Variants in LANCL3 observed in about 807,000 individuals in gnomAD.
LANCL3 encodes the protein lanC-like protein 3.
In LANCL3, 19 loss-of-function variants were observed where a neutral mutation model predicts 26.5. That is an observed-to-expected ratio of 0.72 (90% CI 0.50 to 1.05). The LOEUF is 1.05. LANCL3 is among the 50% of genes least tolerant of loss of function. LANCL3 has a pLI of 0.00. For missense variants in LANCL3, 318 were observed against 362.7 expected, an observed-to-expected ratio of 0.88 and a Z score of 1.00; for synonymous variants, 160 against 166.6, an observed-to-expected ratio of 0.96 and a Z score of 0.30.
intron 1 of LANCL3, among the ~76,000 whole-genome samples, chrX:37,610,707 A>G (rs1475632505): frequency 4.5e-5 from 5 of 112,020 alleles, no homozygotes; most frequent in African/African-American, 1.6e-4. Flanking sequence ...GACAGTCAAA[A>G]AAGAATTAAA....
rs1275200796 is a variant in LANCL3 at position 37,571,680 on chromosome X, G to A, written c.-191G>A. On this transcript the variant is annotated 5_prime_UTR_variant, in exon 1 of 5. Coordinates refer to ENST00000378619, the MANE Select transcript of LANCL3 (RefSeq NM_001170331.2). ...CGGGCCACTCGGGAGCCTCGCGGCA[G>A]CCCGGCGCCCCACTTGGCCATCCGC... The A allele has an allele frequency of 6.1e-5, 20 of 328,800 alleles. No individual in the cohort carries two copies. Among genetic ancestry groups the A allele is most frequent in the South Asian group, 4.6e-4 (7 of 15,064 alleles). 27.1% of individuals were successfully genotyped at this position (328,800 alleles called of 1,213,427 possible).
intron 1 of LANCL3, among the ~76,000 whole-genome samples, chrX:37,580,396 TTTTG>T (rs1422629551): frequency 2.7e-5 from 3 of 112,146 alleles, no homozygotes; most frequent in South Asian, 7.5e-4. Context: ...CTAAGTGTAA[TTTTG>T]TTTGTTAAAA....
chrX:37,655,569 AT>A, intron 1 of LANCL3, 118 bp from the exon 2 acceptor site: 2 of 523,256 alleles, frequency 3.8e-6, no homozygotes, highest in Non-Finnish European at 5.7e-6. Flanking sequence ...GACTAAGTTT[AT>A]TTACATATAG....
intron 1 of LANCL3, 56 bp downstream of exon 1, chrX:37,572,499 C>T: frequency 1.9e-6 from 2 of 1,037,007 alleles, no homozygotes; most frequent in Non-Finnish European, 1.3e-6. Flanking sequence ...GCCTCCTTTC[C>T]CCGGACTCCG....
At chrX:37,596,747 A>G (rs1309878650) in intron 1 of LANCL3, among the ~76,000 whole-genome samples, 1 of 112,315 alleles carries the variant, frequency 8.9e-6, no homozygotes, top group African/African-American at 3.2e-5. Flanking sequence ...GTGGATTCAC[A>G]TCTTTAGTGA....
At position 37,572,131 on chromosome X, in the gene LANCL3, G is replaced by C. The variant is rs781931797; in HGVS notation, c.261G>C (p.Thr87=). 1.7e-6 allele frequency: 2 copies of C among 1,193,433 alleles called. No homozygotes were observed. The highest frequency in any genetic ancestry group is 1.8e-5 in the African/African-American group (1 of 57,131). Residue 87 remains threonine (T), a synonymous_variant, in exon 1 of 5, where the codon ACG becomes ACC. Coordinates refer to ENST00000378619, the MANE Select transcript of LANCL3 (RefSeq NM_001170331.2). ...YHVSQSPLFA[T]ARERYLRSAK... The stretch of plus-strand genomic sequence containing the variant: ...TCTCGCAGAGCCCGCTTTTCGCCAC[G>C]GCCCGGGAACGCTACCTGCGCTCGG...
At chrX:37,615,064 G>A (rs1453631003) in intron 1 of LANCL3, among the ~76,000 whole-genome samples, 34 of 111,944 alleles carry the variant, frequency 3.0e-4, no homozygotes, top group African/African-American at 1.0e-3. Context: ...AAGAAACTGA[G>A]GCACAAATTG....
At chrX:37,601,356 G>C (rs1229005969) in intron 1 of LANCL3, among the ~76,000 whole-genome samples, 9 of 111,508 alleles carry the variant, frequency 8.1e-5, no homozygotes, top group African/African-American at 2.9e-4. Flanking sequence ...AGATATTATT[G>C]AGTCTGTGTG....
intron 2 of LANCL3, among the ~76,000 whole-genome samples, chrX:37,657,069 T>TA (rs1276037519): frequency 8.9e-6 from 1 of 112,657 alleles, no homozygotes; most frequent in African/African-American, 3.2e-5. Context: ...TTAGAGACTT[T>TA]ATAGAACACA....
chrX:37,637,047 A>G (rs1925726223), intron 1 of LANCL3, among the ~76,000 whole-genome samples: 1 of 111,955 alleles, frequency 8.9e-6, no homozygotes, highest in African/African-American at 3.3e-5. Context: ...AGCAGCCTTG[A>G]CCAATTATCT....
intron 1 of LANCL3, among the ~76,000 whole-genome samples, chrX:37,651,853 TTGGTCAGTCTCCTTTCACTCTCACTGC>T (rs1247307525): frequency 4.5e-5 from 5 of 110,318 alleles, no homozygotes; most frequent in African/African-American, 1.3e-4. Context: ...CATGTGGTGT[TTGGTCAGTCTCCTTTCACTCTCACTGC>T]TGGTCAGTCT....
chrX:37,586,611 C>T (rs782358294), intron 1 of LANCL3, among the ~76,000 whole-genome samples: 10 of 112,193 alleles, frequency 8.9e-5, no homozygotes, highest in South Asian at 7.5e-4. Context: ...CTTGTGCATT[C>T]GTCACGTAGT....
intron 1 of LANCL3, among the ~76,000 whole-genome samples, chrX:37,634,534 C>T (rs1365697931): frequency 1.8e-5 from 2 of 112,664 alleles, no homozygotes; most frequent in African/African-American, 3.2e-5. Context: ...TCTTCTGCGT[C>T]GCTCGCGCTG....
At chrX:37,622,073 C>G (rs1925178785) in intron 1 of LANCL3, among the ~76,000 whole-genome samples, 1 of 111,376 alleles carries the variant, frequency 9.0e-6, no homozygotes, top group Non-Finnish European at 1.9e-5. Context: ...CTAAGAACCA[C>G]CCCCGTCCCC....
At chrX:37,657,700 A>G (rs1313975891) in intron 2 of LANCL3, among the ~76,000 whole-genome samples, 1 of 110,668 alleles carries the variant, frequency 9.0e-6, no homozygotes, top group Admixed American at 9.7e-5. Flanking sequence ...TATATAGCTT[A>G]AACTATATTT....
intron 1 of LANCL3, among the ~76,000 whole-genome samples, chrX:37,607,866 G>A (rs1332966251): frequency 1.8e-5 from 2 of 112,228 alleles, no homozygotes; most frequent in Admixed American, 9.4e-5. Context: ...AAATTCTGAG[G>A]GAGATAAACT....
chrX:37,651,805 G>A (rs5963198), intron 1 of LANCL3, among the ~76,000 whole-genome samples: 35,447 of 107,614 alleles, frequency 0.33, 6,825 homozygotes, highest in African/African-American at 0.74. Flanking sequence ...CCTGTGTCCA[G>A]GTGTTCTCAT....
At position 37,667,395 on chromosome X, in the gene LANCL3, C is replaced by A. The variant is rs782707049; in HGVS notation, c.1009C>A (p.Pro337Thr). The A allele has an allele frequency of 1.7e-6, 2 of 1,202,749 alleles. No individual in the cohort carries two copies. The highest frequency in any genetic ancestry group is 6.1e-5 in the East Asian group (2 of 33,054). Residue 337 changes from proline (P) to threonine (T), a missense_variant, in exon 4 of 5, where the codon CCT (proline) becomes ACT (threonine). Pro to Thr is a conservative substitution (Grantham distance 38). Transcript: ENST00000378619. ...GCAGAAAGGCCTGCTAAAGAAGGGG[C>A]CTGGGATTTGCCATGGAGTAGCCGG... The part of the protein sequence containing the change: ...TWQKGLLKKG[P>T]GICHGVAGSA...
chrX:37,593,753 C>A (rs1556419234), intron 1 of LANCL3, among the ~76,000 whole-genome samples: 1 of 112,081 alleles, frequency 8.9e-6, no homozygotes, highest in Non-Finnish European at 1.9e-5. Context: ...TTCACATTTA[C>A]CCCCTTCCTG....
Sources: allele counts gnomAD v4.1 joint callset (sites outside exome capture counted in the v4.1 genomes callset), GRCh38; gene constraint gnomAD v4.1.1; transcripts MANE v1.5; gene names NCBI Gene and HGNC (gene_info 2026-07-23, HGNC 2026-07-21).